Variants in SDK1 observed in about 807,000 individuals in gnomAD.
SDK1 encodes the protein protein sidekick-1.
In SDK1, 157 loss-of-function variants were observed where a neutral mutation model predicts 245.5. The ratio of observed to expected loss-of-function variants is 0.64; its 90% CI spans 0.56 to 0.73. The LOEUF (loss-of-function observed/expected upper bound fraction) is 0.73, where lower values mean the gene tolerates loss of function less well. SDK1 is among the 30% of genes least tolerant of loss of function. The pLI, the probability that SDK1 is intolerant of heterozygous loss-of-function variation, is 0.00. For synonymous variants in SDK1, 1,647 were observed against 1,278.5 expected, an observed-to-expected ratio of 1.29 and a Z score of -6.15; for missense variants, 3,583 against 3,002.3, an observed-to-expected ratio of 1.19 and a Z score of -4.52.
At chr7:3,354,370 T>A (rs1780739684) in intron 1 of SDK1, among the ~76,000 whole-genome samples, 1 of 152,154 alleles carries the variant, frequency 6.6e-6, no homozygotes, top group African/African-American at 2.4e-5. Flanking sequence ...GAAACCAATG[T>A]GACTGTTTCA....
intron 1 of SDK1, among the ~76,000 whole-genome samples, chr7:3,533,464 T>G (rs993941931): frequency 1.3e-5 from 2 of 152,214 alleles, no homozygotes; most frequent in Non-Finnish European, 2.9e-5. Flanking sequence ...CTATGTATTC[T>G]CCAGGCAGTA....
At chr7:4,218,413 G>A (rs1445310036) in intron 38 of SDK1, among the ~76,000 whole-genome samples, 2 of 152,002 alleles carry the variant, frequency 1.3e-5, no homozygotes, top group South Asian at 2.1e-4. Flanking sequence ...AGCCAAAATT[G>A]CTCTGAAATA....
At chr7:4,198,495 A>T (rs1033404906) in intron 35 of SDK1, among the ~76,000 whole-genome samples, 1 of 152,236 alleles carries the variant, frequency 6.6e-6, no homozygotes, top group African/African-American at 2.4e-5. Context: ...ATCTGCAAAC[A>T]GCTCAGCGGC....
intron 32 of SDK1, among the ~76,000 whole-genome samples, chr7:4,168,219 G>A (rs1170327599): frequency 6.6e-6 from 1 of 152,176 alleles, no homozygotes; most frequent in Non-Finnish European, 1.5e-5. Flanking sequence ...ACGGCCGCCT[G>A]GACCCCCTCC....
intron 1 of SDK1, among the ~76,000 whole-genome samples, chr7:3,343,380 G>A (rs1040375721): frequency 3.3e-5 from 5 of 152,238 alleles, no homozygotes; most frequent in Admixed American, 6.5e-5. Flanking sequence ...TCTCCACATC[G>A]AGTGATAAAA....
At chr7:3,880,837 T>C (rs1474800376) in intron 5 of SDK1, among the ~76,000 whole-genome samples, 2 of 152,062 alleles carry the variant, frequency 1.3e-5, no homozygotes, top group Non-Finnish European at 2.9e-5. Flanking sequence ...GATCTGACAG[T>C]GGAAGGCAGC....
chr7:3,512,023 T>C (rs1782597411), intron 1 of SDK1, among the ~76,000 whole-genome samples: 1 of 151,860 alleles, frequency 6.6e-6, no homozygotes, highest in African/African-American at 2.4e-5. Flanking sequence ...TTGTACATTC[T>C]CTGGGTGTGG....
Position 3,626,642 on chromosome 7 carries a change from C to T in SDK1, c.458+7403C>T, listed in dbSNP as rs556118136. Among the ~76,000 whole-genome samples, 4 of 152,322 alleles carry T rather than the reference C, an allele frequency of 2.6e-5. No homozygotes were observed. The South Asian group carries it at 8.3e-4, about 32-fold the overall frequency. On this transcript the variant is annotated intron_variant, in intron 2 of 44. Coordinates refer to ENST00000404826, the MANE Select transcript of SDK1 (RefSeq NM_152744.4). ...AAGAGATACCCCATTGACTTCTCTC[C>T]TCCTCACCTCTGCTGTGTGGCACCA...
At chr7:4,025,627 A>G (rs544755318) in intron 17 of SDK1, among the ~76,000 whole-genome samples, 3 of 152,190 alleles carry the variant, frequency 2.0e-5, no homozygotes, top group South Asian at 2.1e-4. Context: ...GCTGTGTCTG[A>G]TTTGTCTTTT....
At chr7:3,613,249 C>T (rs1383480145) in intron 1 of SDK1, among the ~76,000 whole-genome samples, 2 of 152,170 alleles carry the variant, frequency 1.3e-5, no homozygotes, top group Admixed American at 1.3e-4. Flanking sequence ...TAGGCTCCAG[C>T]TGCTGCCCAT....
intron 27 of SDK1, 29 bp downstream of exon 27, chr7:4,130,126 C>A (rs1047469308): frequency 3.2e-6 from 5 of 1,539,266 alleles, no homozygotes; most frequent in South Asian, 1.2e-5. Flanking sequence ...CCTTCGGGAG[C>A]CTTGCTGCCT....
At chr7:3,848,983 T>C (rs1401829417) in intron 5 of SDK1, among the ~76,000 whole-genome samples, 2 of 152,190 alleles carry the variant, frequency 1.3e-5, no homozygotes, top group Admixed American at 1.3e-4. Context: ...AGTTTTCTTT[T>C]CTAAATATGC....
In SDK1 at chr7:4,130,069, C is replaced by T. The variant is rs769434150; in HGVS notation, c.4101C>T (p.Pro1367=). Residue 1367 remains proline (P), a synonymous_variant, in exon 27 of 45, where the codon CCC becomes CCT. Transcript: ENST00000404826. ...TCGGGAACGGGGTCCCCAGCACGCC[C>T]CTCATCCTGGAGCGCACCAAAGACG... is the stretch of plus-strand genomic sequence containing the variant. The part of the protein sequence containing the change: ...TRIGNGVPST[P]LILERTKDDA... 3.7e-6 allele frequency: 6 copies of T among 1,610,286 alleles called. No homozygotes were observed. Among genetic ancestry groups the T allele is most frequent in the African/African-American group, 1.3e-5 (1 of 74,830 alleles).
intron 4 of SDK1, among the ~76,000 whole-genome samples, chr7:3,806,058 C>T (rs1168554925): frequency 6.6e-6 from 1 of 152,188 alleles, no homozygotes; most frequent in Non-Finnish European, 1.5e-5. Flanking sequence ...AGGTCAAAGA[C>T]AAGGAAAGAC....
chr7:3,471,153 C>T (rs1265477979), intron 1 of SDK1, among the ~76,000 whole-genome samples: 1 of 152,066 alleles, frequency 6.6e-6, no homozygotes, highest in African/African-American at 2.4e-5. Context: ...TTTAGGAAAA[C>T]TATTTGGATT....
chr7:3,422,073 T>A (rs1779550206), intron 1 of SDK1, among the ~76,000 whole-genome samples: 1 of 152,110 alleles, frequency 6.6e-6, no homozygotes, highest in Non-Finnish European at 1.5e-5. Context: ...GAGGCCTTAA[T>A]AACAACAACA....
Position 4,265,537 on chromosome 7 carries a change from A to C in SDK1, c.*153A>C. On this transcript the variant is annotated 3_prime_UTR_variant, in exon 45 of 45. Coordinates refer to ENST00000404826, the MANE Select transcript of SDK1 (RefSeq NM_152744.4). Reference sequence around the variant, plus strand: ...GATTTTACCTACTTGTGGACACTAGATTTCAATTAGGAAGGTTTTTTTAAA... The same window carrying C: ...GATTTTACCTACTTGTGGACACTAGCTTTCAATTAGGAAGGTTTTTTTAAA... 7.4e-7 allele frequency: 1 copy of C among 1,344,490 alleles called. No individual in the cohort carries two copies. The highest frequency in any genetic ancestry group is 2.1e-5 in the South Asian group (1 of 48,296). The allele number at this position is 1,344,490 out of a possible 1,614,324, so 83.3% of individuals were successfully genotyped here. A position where few individuals can be genotyped will look rare whatever the true frequency, so the allele number is the denominator to read the frequency against.
chr7:3,570,014 A>G (rs1780056178), intron 1 of SDK1, among the ~76,000 whole-genome samples: 1 of 152,028 alleles, frequency 6.6e-6, no homozygotes, highest in African/African-American at 2.4e-5. Context: ...TGTTTTCTTT[A>G]TAATTCTAAA....
chr7:3,794,370 T>C (rs1778911075), intron 4 of SDK1, among the ~76,000 whole-genome samples: 1 of 152,188 alleles, frequency 6.6e-6, no homozygotes, highest in Non-Finnish European at 1.5e-5. Flanking sequence ...AAAAGGCATA[T>C]ATGGCAAGGG....
Sources: gnomAD v4.1 joint callset for allele counts (sites outside exome capture counted in the v4.1 genomes callset) on GRCh38, gnomAD v4.1.1 for gene constraint, MANE v1.5 for transcripts, NCBI Gene and HGNC (gene_info 2026-07-23, HGNC 2026-07-21) for gene names.